The following GBF1 variants were observed in gnomAD, a reference collection of about 807,000 sequenced individuals.
The protein encoded by GBF1 is golgi brefeldin A resistant guanine nucleotide exchange factor 1.
GBF1 carries 114 observed loss-of-function variants against 210.5 expected under a neutral mutation model. The observed-to-expected ratio is 0.54, with a 90% CI of 0.47 to 0.63. The LOEUF (loss-of-function observed/expected upper bound fraction) is 0.63, where lower values mean the gene tolerates loss of function less well. Ranked by LOEUF, GBF1 falls within the 30% of genes least tolerant of loss-of-function variation. The pLI is 0.00. For missense variants in GBF1, 1,851 were observed against 2,357.7 expected (o/e 0.79, Z 4.45); for synonymous variants, 850 against 889.2 (o/e 0.96, Z 0.78).
At chr10:102,290,080 G>T (rs1399345570) in intron 3 of GBF1, among the ~76,000 whole-genome samples, 1 of 152,196 alleles carries the variant, frequency 6.6e-6, no homozygotes, top group Non-Finnish European at 1.5e-5. Context: ...CCACTTTCCA[G>T]CCTGGGCAAC....
chr10:102,250,559 G>A (rs1394462176), intron 1 of GBF1, among the ~76,000 whole-genome samples: 4 of 148,924 alleles, frequency 2.7e-5, no homozygotes, highest in African/African-American at 9.9e-5. Context: ...ATGTTGCCTA[G>A]GCTGGTCTCT....
chr10:102,246,032 C>T (rs1590421331), intron 1 of GBF1, among the ~76,000 whole-genome samples: 1 of 152,192 alleles, frequency 6.6e-6, no homozygotes, highest in Admixed American at 6.5e-5. Context: ...CCCAAATCTT[C>T]TGTTTTCCCA....
intron 30 of GBF1, 131 bp downstream of exon 30, chr10:102,375,715 G>T: frequency 3.1e-6 from 2 of 642,522 alleles, no homozygotes; most frequent in Non-Finnish European, 5.5e-6. Flanking sequence ...ATCACTTCCA[G>T]AGCTTCCAGT....
At chr10:102,333,046 A>G (rs2057452194) in intron 3 of GBF1, among the ~76,000 whole-genome samples, 1 of 152,228 alleles carries the variant, frequency 6.6e-6, no homozygotes, top group African/African-American at 2.4e-5. Flanking sequence ...CATAAGTTTT[A>G]GGGACCTTAA....
intron 23 of GBF1, 144 bp from the exon 24 acceptor site, chr10:102,369,067 G>C (rs1230086286): frequency 1.4e-6 from 1 of 693,000 alleles, no homozygotes; most frequent in Non-Finnish European, 2.5e-6. Context: ...CCTTAACTAG[G>C]TTAACCCACT....
chr10:102,343,228 C>CA (rs1290750125), intron 3 of GBF1, among the ~76,000 whole-genome samples: 2 of 152,134 alleles, frequency 1.3e-5, no homozygotes, highest in African/African-American at 4.8e-5. Flanking sequence ...TTATAAACCT[C>CA]AGAGTTTCCT....
At chr10:102,348,739 A>G (rs1694604397) in intron 4 of GBF1, among the ~76,000 whole-genome samples, 1 of 152,262 alleles carries the variant, frequency 6.6e-6, no homozygotes, top group African/African-American at 2.4e-5. Flanking sequence ...GCTGAGTAGA[A>G]GGACACTGTA....
chr10:102,231,519 T>C, the GBF1 span: 1 of 1,058,156 alleles, frequency 9.5e-7, no homozygotes, highest in Non-Finnish European at 1.4e-6. Context: ...GTGGAACCGC[T>C]GGCCTCCGGG....
At chr10:102,288,864 G>A (rs1251448461) in intron 3 of GBF1, among the ~76,000 whole-genome samples, 1 of 151,936 alleles carries the variant, frequency 6.6e-6, no homozygotes, top group African/African-American at 2.4e-5. Flanking sequence ...ATTTTGGAAC[G>A]CTGAGGCGGG....
At chr10:102,360,546 C>T in intron 12 of GBF1, 151 bp downstream of exon 12, 3 of 614,826 alleles carry the variant, frequency 4.9e-6, no homozygotes, top group Non-Finnish European at 8.7e-6. Context: ...TCCAGTAGTT[C>T]CCCAGGGACT....
At chr10:102,306,212 A>G (rs931549497) in intron 3 of GBF1, among the ~76,000 whole-genome samples, 2 of 152,194 alleles carry the variant, frequency 1.3e-5, no homozygotes, top group South Asian at 4.1e-4. Flanking sequence ...GAGACGGGAA[A>G]TGAGCTGGGT....
At chr10:102,327,345 G>A (rs891487433) in intron 3 of GBF1, among the ~76,000 whole-genome samples, 1 of 152,184 alleles carries the variant, frequency 6.6e-6, no homozygotes, top group African/African-American at 2.4e-5. Context: ...CAACATTGAA[G>A]AACTGTTTCT....
intron 29 of GBF1, among the ~76,000 whole-genome samples, chr10:102,371,806 G>C (rs925857721): frequency 6.6e-6 from 1 of 152,016 alleles, no homozygotes. Flanking sequence ...GCACACACCT[G>C]TAATCCTAGC....
At chr10:102,294,495 C>A (rs888168059) in intron 3 of GBF1, among the ~76,000 whole-genome samples, 2 of 151,834 alleles carry the variant, frequency 1.3e-5, no homozygotes, top group African/African-American at 4.8e-5. Flanking sequence ...CATTCTCCTG[C>A]CTCAGCCTCC....
intron 3 of GBF1, among the ~76,000 whole-genome samples, chr10:102,342,038 C>CTT (rs762320060): frequency 8.6e-5 from 12 of 139,228 alleles, no homozygotes; most frequent in African/African-American, 1.9e-4. Context: ...TTTTTATGTA[C>CTT]TTTTTTTTTT....
intron 3 of GBF1, among the ~76,000 whole-genome samples, chr10:102,262,505 GTAAAC>G (rs1356747102): frequency 6.6e-6 from 1 of 152,156 alleles, no homozygotes; most frequent in African/African-American, 2.4e-5. Context: ...GAAACACTTG[GTAAAC>G]ATCTTATACA....
At chr10:102,257,953 A>G (rs2072639364) in intron 1 of GBF1, among the ~76,000 whole-genome samples, 1 of 152,128 alleles carries the variant, frequency 6.6e-6, no homozygotes. Flanking sequence ...TAAAGGCATC[A>G]TAGGACTTTG....
In GBF1 at chr10:102,366,982, G is replaced by A; in HGVS notation, c.2434-103G>A. 3 of 1,288,864 alleles carry A rather than the reference G, an allele frequency of 2.3e-6. No individual in the cohort carries two copies. The highest frequency in any genetic ancestry group is 3.3e-6 in the Non-Finnish European group (3 of 918,684). The allele number at this position is 1,288,864 out of a possible 1,614,324, so 79.8% of individuals were successfully genotyped here. ...TTGGCAAGAGACTGGCCACTTTCTG[G>A]ATGGTACCTCTCCTCTGTACTAGCA... On this transcript the variant is annotated intron_variant, in intron 19 of 39. Transcript: ENST00000369983. The surrounding 1 kb of genome is among the most constrained non-coding windows in gnomAD (Gnocchi z 4.0).
chr10:102,261,707 C>T (rs892818264), intron 3 of GBF1, among the ~76,000 whole-genome samples: 5 of 148,028 alleles, frequency 3.4e-5, no homozygotes, highest in Non-Finnish European at 6.0e-5. Context: ...CTGCAACTTC[C>T]GTCTCCCAGA....
Sources: allele counts gnomAD v4.1 joint callset (sites outside exome capture counted in the v4.1 genomes callset), GRCh38; gene constraint gnomAD v4.1.1; non-coding constraint Gnocchi (gnomAD v3.1); transcripts MANE v1.5; gene names NCBI Gene and HGNC (gene_info 2026-07-23, HGNC 2026-07-21).